Variants in DLG2 observed in about 807,000 individuals in gnomAD.
DLG2 encodes disks large homolog 2.
Under a neutral mutation model 132.5 loss-of-function variants are expected in DLG2, and 45 were observed. That is an observed-to-expected ratio of 0.34 (90% CI 0.27 to 0.44). The LOEUF (loss-of-function observed/expected upper bound fraction) is 0.44, where lower values mean the gene tolerates loss of function less well. DLG2 is among the 20% of genes least tolerant of loss of function. The pLI, the probability that DLG2 is intolerant of heterozygous loss-of-function variation, is 1.00. For synonymous variants in DLG2, 424 were observed against 419.6 expected (o/e 1.01, Z -0.13); for missense variants, 1,045 against 1,196.9 (o/e 0.87, Z 1.87).
intron 4 of DLG2, among the ~76,000 whole-genome samples, chr11:85,170,091 C>T (rs532295560): frequency 9.9e-5 from 15 of 152,114 alleles, no homozygotes; most frequent in South Asian, 4.2e-4. Flanking sequence ...TACATGGCAG[C>T]GAGCCATCAT....
intron 6 of DLG2, among the ~76,000 whole-genome samples, chr11:84,562,752 T>TC (rs1008439806): frequency 3.3e-5 from 5 of 151,632 alleles, no homozygotes; most frequent in Admixed American, 6.6e-5. Flanking sequence ...TTTCTTTCTT[T>TC]TTTTTTTTTT....
rs144316095 is a variant in DLG2, at chr11:84,849,223, A to G, written c.357+262438T>C. ...AGAACTACATAGCTGAAACAAGTCA[A>G]CTCATAGAACACTGAGAGATAATAA... On this transcript the variant is annotated intron_variant, in intron 6 of 27. Coordinates refer to ENST00000376104, the MANE Select transcript of DLG2 (RefSeq NM_001142699.3). Among the ~76,000 whole-genome samples, 275 of 152,298 alleles carry G rather than the reference A, an allele frequency of 1.8e-3. 1 individual carries two copies. Among genetic ancestry groups the G allele is most frequent in the African/African-American group, 6.4e-3 (265 of 41,566 alleles).
intron 3 of DLG2, among the ~76,000 whole-genome samples, chr11:85,415,914 C>T (rs2089797798): frequency 1.3e-5 from 2 of 152,088 alleles, no homozygotes; most frequent in Admixed American, 6.6e-5. Context: ...GTTGCCATTG[C>T]TTTTGGTGTT....
chr11:83,644,356 C>T (rs572379666), intron 18 of DLG2, among the ~76,000 whole-genome samples: 2 of 152,210 alleles, frequency 1.3e-5, no homozygotes, highest in East Asian at 3.9e-4. Context: ...TCCTCTATAG[C>T]CCTCCCACTA....
chr11:83,997,102 T>C (rs1460351905), intron 11 of DLG2, among the ~76,000 whole-genome samples: 1 of 140,054 alleles, frequency 7.1e-6, no homozygotes, highest in Non-Finnish European at 1.5e-5. Context: ...AACTACTATG[T>C]ACTCACAAAA....
intron 6 of DLG2, among the ~76,000 whole-genome samples, chr11:85,078,122 C>T (rs542062408): frequency 2.0e-5 from 3 of 150,976 alleles, no homozygotes; most frequent in Admixed American, 1.3e-4. Flanking sequence ...AGTAAAAAAC[C>T]GTGCAAAACA....
intron 3 of DLG2, among the ~76,000 whole-genome samples, chr11:85,400,830 C>T (rs2088002329): frequency 6.6e-6 from 1 of 150,862 alleles, no homozygotes; most frequent in Admixed American, 6.6e-5. Flanking sequence ...ATACCTAATG[C>T]TAAATGACGA....
At chr11:84,607,834 GGCCTCTGGTAA>G (rs2099588483) in intron 6 of DLG2, among the ~76,000 whole-genome samples, 1 of 152,110 alleles carries the variant, frequency 6.6e-6, no homozygotes, top group African/African-American at 2.4e-5. Context: ...TATGGTACCT[GGCCTCTGGTAA>G]GCACTCTAAA....
chr11:84,248,604 C>G (rs966656015), intron 8 of DLG2, among the ~76,000 whole-genome samples: 1 of 151,996 alleles, frequency 6.6e-6, no homozygotes, highest in African/African-American at 2.4e-5. Flanking sequence ...ACTCGTAATC[C>G]CAGCACTTTG....
chr11:84,336,268 T>C (rs991174349), intron 7 of DLG2, among the ~76,000 whole-genome samples: 6 of 152,226 alleles, frequency 3.9e-5, no homozygotes, highest in Non-Finnish European at 8.8e-5. Context: ...AACTGGAGGA[T>C]AGCTGTTATA....
At chr11:84,932,555 C>G (rs1049993064) in intron 6 of DLG2, among the ~76,000 whole-genome samples, 1 of 152,136 alleles carries the variant, frequency 6.6e-6, no homozygotes, top group East Asian at 1.9e-4. Context: ...GTTCCCGTCC[C>G]TGTGCCCACC....
chr11:84,829,168 G>A (rs2153991160), intron 6 of DLG2, among the ~76,000 whole-genome samples: 1 of 151,698 alleles, frequency 6.6e-6, no homozygotes, highest in African/African-American at 2.4e-5. Context: ...AATAATCACT[G>A]TCCTTCTTCC....
At chr11:84,231,797 G>A (rs915092207) in intron 8 of DLG2, among the ~76,000 whole-genome samples, 1 of 152,158 alleles carries the variant, frequency 6.6e-6, no homozygotes, top group Non-Finnish European at 1.5e-5. Flanking sequence ...ACAGGAGGAA[G>A]GAAAATCAAA....
intron 6 of DLG2, among the ~76,000 whole-genome samples, chr11:85,072,171 A>T (rs528845983): frequency 5.9e-5 from 9 of 151,926 alleles, no homozygotes; most frequent in African/African-American, 2.2e-4. Context: ...CTTACATTCT[A>T]ATTTTTACAA....
Position 83,590,243 on chromosome 11 carries a change from A to C in DLG2, c.1940+42968T>G, listed in dbSNP as rs576935880. Among the ~76,000 whole-genome samples the C allele has an allele frequency of 1.3e-4, 20 of 151,854 alleles. 1 individual carries two copies. Among genetic ancestry groups the C allele is most frequent in the African/African-American group, 4.8e-4 (20 of 41,384 alleles). The stretch of plus-strand genomic sequence containing the variant: ...AAAATTGACCACATAGTTGGAAGTA[A>C]AGCTCTCCTCAGCAAATGTAAAAGA... On this transcript the variant is annotated intron_variant, in intron 19 of 27. Coordinates refer to ENST00000376104, the MANE Select transcript of DLG2 (RefSeq NM_001142699.3).
intron 16 of DLG2, among the ~76,000 whole-genome samples, chr11:83,873,370 G>A (rs1021143589): frequency 2.6e-5 from 4 of 152,154 alleles, no homozygotes; most frequent in South Asian, 4.1e-4. Context: ...TGTTGTGGGA[G>A]GGACCTGGTG....
chr11:85,247,099 T>C (rs867690366), intron 4 of DLG2, among the ~76,000 whole-genome samples: 2 of 152,096 alleles, frequency 1.3e-5, no homozygotes, highest in Non-Finnish European at 2.9e-5. Flanking sequence ...CCATTTATAA[T>C]AGGAGTATTA....
At chr11:84,697,261 T>C (rs982859059) in intron 6 of DLG2, among the ~76,000 whole-genome samples, 1 of 151,584 alleles carries the variant, frequency 6.6e-6, no homozygotes, top group African/African-American at 2.4e-5. Context: ...CTAGATTCTC[T>C]GAGGCAGTAT....
intron 10 of DLG2, among the ~76,000 whole-genome samples, chr11:84,088,968 AAG>A (rs1198499596): frequency 6.6e-6 from 1 of 152,186 alleles, no homozygotes; most frequent in Non-Finnish European, 1.5e-5. Context: ...GAAGCACTAG[AAG>A]TCTCTGCCTT....
Sources: allele counts gnomAD v4.1 joint callset (sites outside exome capture counted in the v4.1 genomes callset), GRCh38; gene constraint gnomAD v4.1.1; transcripts MANE v1.5; gene names NCBI Gene and HGNC (gene_info 2026-07-23, HGNC 2026-07-21).